Variants in CADPS2 observed in about 807,000 individuals in gnomAD.
The protein encoded by CADPS2 is calcium-dependent secretion activator 2.
A neutral mutation model predicts 172.5 loss-of-function variants in CADPS2; 93 were observed. The observed-to-expected ratio is 0.54, with a 90% CI of 0.46 to 0.64. CADPS2 has a LOEUF of 0.64. CADPS2 is among the 30% of genes least tolerant of loss of function. CADPS2 has a pLI of 0.00. For synonymous variants in CADPS2, 546 were observed against 555.2 expected (o/e 0.98, Z 0.23); for missense variants, 1,420 against 1,565.9 (o/e 0.91, Z 1.57).
At chr7:122,367,233 T>C (rs750383491) in intron 25 of CADPS2, among the ~76,000 whole-genome samples, 92 of 152,212 alleles carry the variant, frequency 6.0e-4, no homozygotes, top group Non-Finnish European at 1.1e-3. Flanking sequence ...ATTTATCTTC[T>C]ATCTATCCTA....
At chr7:122,641,411 T>C (rs1563935922) in intron 3 of CADPS2, among the ~76,000 whole-genome samples, 1 of 152,224 alleles carries the variant, frequency 6.6e-6, no homozygotes. Context: ...AATTCTTGAA[T>C]TGGACCTTTG....
chr7:122,494,558 T>C (rs1396287313), intron 9 of CADPS2, among the ~76,000 whole-genome samples: 1 of 151,406 alleles, frequency 6.6e-6, no homozygotes, highest in Non-Finnish European at 1.5e-5. Context: ...TATATATATA[T>C]ATGAATTAAA....
intron 1 of CADPS2, among the ~76,000 whole-genome samples, chr7:122,806,504 T>C (rs980448818): frequency 1.3e-5 from 2 of 152,208 alleles, no homozygotes; most frequent in African/African-American, 4.8e-5. Flanking sequence ...CAATGCTGCT[T>C]TAACACTGAC....
chr7:122,330,734 T>A (rs1222678768), intron 28 of CADPS2: 1 of 152,194 alleles, frequency 6.6e-6, no homozygotes, highest in Non-Finnish European at 1.5e-5. Flanking sequence ...GAGGCACTCA[T>A]GGTGGGGGAA....
At chr7:122,456,001 C>T (rs2053726117) in intron 14 of CADPS2, among the ~76,000 whole-genome samples, 1 of 152,144 alleles carries the variant, frequency 6.6e-6, no homozygotes, top group African/African-American at 2.4e-5. Context: ...CCATGCCCAG[C>T]TTGGAACATT....
intron 2 of CADPS2, among the ~76,000 whole-genome samples, chr7:122,718,735 A>G (rs2089996679): frequency 6.6e-6 from 1 of 152,122 alleles, no homozygotes; most frequent in African/African-American, 2.4e-5. Flanking sequence ...GCTGTGGTCA[A>G]GCTGAAGCGC....
Position 122,712,495 on chromosome 7 carries a change from G to A in CADPS2, c.453+24460C>T, listed in dbSNP as rs553840736. 8.5e-5 allele frequency among the ~76,000 whole-genome samples: 13 copies of A among 152,226 alleles called. No homozygotes were observed. In the East Asian group the frequency reaches 2.5e-3, roughly 29 times the overall value. On this transcript the variant is annotated intron_variant, in intron 2 of 29. Coordinates refer to ENST00000449022, the MANE Select transcript of CADPS2 (RefSeq NM_017954.11). ...CACACAATTTTAGGGCTACAGCACT[G>A]ATCAAAAAGGAACAATCTCCTGTCC...
At chr7:122,420,314 A>G (rs898088796) in intron 17 of CADPS2, among the ~76,000 whole-genome samples, 10 of 152,212 alleles carry the variant, frequency 6.6e-5, no homozygotes, top group Non-Finnish European at 1.3e-4. Flanking sequence ...ATGTGACACT[A>G]TCTTAAGTAC....
chr7:122,694,988 G>C (rs1564085447), intron 2 of CADPS2, among the ~76,000 whole-genome samples: 1 of 152,142 alleles, frequency 6.6e-6, no homozygotes, highest in Non-Finnish European at 1.5e-5. Flanking sequence ...TGTGGTGAAG[G>C]GGTTTAAATC....
intron 9 of CADPS2, among the ~76,000 whole-genome samples, chr7:122,506,441 G>A (rs2059612294): frequency 6.6e-6 from 1 of 152,176 alleles, no homozygotes; most frequent in Admixed American, 6.5e-5. Flanking sequence ...GGGCACCTAA[G>A]TTGCTGTAGT....
At chr7:122,792,722 AC>A (rs1795548312) in intron 1 of CADPS2, among the ~76,000 whole-genome samples, 2 of 152,188 alleles carry the variant, frequency 1.3e-5, no homozygotes, top group South Asian at 4.1e-4. Flanking sequence ...AAGAAATTTA[AC>A]CAATTATAAG....
intron 14 of CADPS2, among the ~76,000 whole-genome samples, chr7:122,464,171 C>A (rs1317804387): frequency 6.6e-6 from 1 of 152,156 alleles, no homozygotes; most frequent in Non-Finnish European, 1.5e-5. Flanking sequence ...GATGAGCTTG[C>A]AGCATGTCAG....
At chr7:122,876,605 C>T (rs1030415615) in intron 1 of CADPS2, among the ~76,000 whole-genome samples, 1 of 152,014 alleles carries the variant, frequency 6.6e-6, no homozygotes, top group Non-Finnish European at 1.5e-5. Flanking sequence ...TTAAGTGATC[C>T]TTCTACCCCA....
At chr7:122,659,142 A>G (rs969522477) in intron 3 of CADPS2, among the ~76,000 whole-genome samples, 33 of 152,020 alleles carry the variant, frequency 2.2e-4, no homozygotes, top group African/African-American at 7.2e-4. Flanking sequence ...AAGCATCTGA[A>G]CTAGATTCAG....
intron 7 of CADPS2, among the ~76,000 whole-genome samples, chr7:122,563,499 GCAAATCACTT>G (rs767313374): frequency 2.6e-5 from 4 of 151,994 alleles, no homozygotes; most frequent in East Asian, 1.9e-4. Context: ...ATATCTAGAG[GCAAATCACTT>G]CAAATCACTT....
At chr7:122,428,903 TC>T (rs1318101647) in intron 17 of CADPS2, among the ~76,000 whole-genome samples, 1 of 152,148 alleles carries the variant, frequency 6.6e-6, no homozygotes, top group African/African-American at 2.4e-5. Context: ...GCCTCTCTCC[TC>T]CCCACACTTA....
At chr7:122,754,606 A>G (rs973954684) in intron 1 of CADPS2, among the ~76,000 whole-genome samples, 1 of 152,036 alleles carries the variant, frequency 6.6e-6, no homozygotes, top group Non-Finnish European at 1.5e-5. Flanking sequence ...CCTCCTGAGT[A>G]GCTGGGATTA....
intron 8 of CADPS2, among the ~76,000 whole-genome samples, chr7:122,515,552 G>C (rs1015242225): frequency 7.2e-5 from 11 of 152,110 alleles, no homozygotes; most frequent in Non-Finnish European, 1.3e-4. Flanking sequence ...GAGCCACAGA[G>C]AGCATCTGGA....
chr7:122,619,017 T>A (rs537313528), intron 5 of CADPS2, among the ~76,000 whole-genome samples: 1 of 152,276 alleles, frequency 6.6e-6, no homozygotes, highest in South Asian at 2.1e-4. Flanking sequence ...CCATGCAAAG[T>A]GAAGTTTTAG....
Sources: allele counts gnomAD v4.1 joint callset (sites outside exome capture counted in the v4.1 genomes callset), GRCh38; gene constraint gnomAD v4.1.1; transcripts MANE v1.5; gene names NCBI Gene and HGNC (gene_info 2026-07-23, HGNC 2026-07-21).